The following CBLN2 variants were observed in gnomAD, a reference collection of about 807,000 sequenced individuals.
CBLN2 encodes the protein cerebellin-2.
Under a neutral mutation model 15.0 loss-of-function variants are expected in CBLN2, and 7 were observed. The observed-to-expected ratio is 0.47, with a 90% CI of 0.27 to 0.88. The LOEUF (loss-of-function observed/expected upper bound fraction) is 0.88. Among genes scored for constraint, CBLN2 ranks in the 40% least tolerant of loss-of-function variants. CBLN2 has a pLI of 0.14. For missense variants in CBLN2, 242 were observed against 304.5 expected (o/e 0.79, Z 1.53); for synonymous variants, 149 against 135.2 (o/e 1.10, Z -0.71).
upstream of CBLN2, chr18:72,544,686 T>C (rs2144873222): frequency 6.6e-6 from 1 of 152,238 alleles, no homozygotes; most frequent in South Asian, 2.1e-4. Context: ...CTTCCCGGTA[T>C]CCTTCAGTAC....
At chr18:72,587,661 A>G (rs1016702583) in intron 1 of CBLN2, among the ~76,000 whole-genome samples, 1 of 152,188 alleles carries the variant, frequency 6.6e-6, no homozygotes, top group African/African-American at 2.4e-5. Context: ...TGATCATTAC[A>G]TTTGAATAAT....
Position 72,541,797 on chromosome 18 carries a change from G to T in CBLN2, c.357+7C>A, listed in dbSNP as rs765376241. On this transcript the variant is annotated splice_region_variant and intron_variant, in intron 3 of 4. Coordinates refer to ENST00000269503, the MANE Select transcript of CBLN2 (RefSeq NM_182511.4). ...CTGGGGGCGGGGTGGGCAGGCCGAC[G>T]GCTGACCTGGTCGAAATAGATGGTC... The T allele has an allele frequency of 6.5e-7, 1 of 1,532,404 alleles. No homozygotes were observed. Among genetic ancestry groups the T allele is most frequent in the Non-Finnish European group, 8.8e-7 (1 of 1,139,728 alleles). The allele number at this position is 1,532,404 out of a possible 1,614,324, so 94.9% of individuals were successfully genotyped here.
At chr18:72,555,005 C>T (rs2069215748) in intron 1 of CBLN2, among the ~76,000 whole-genome samples, 1 of 151,914 alleles carries the variant, frequency 6.6e-6, no homozygotes, top group African/African-American at 2.4e-5. Context: ...CATGGTGGCA[C>T]GTGCCTGTAA....
At chr18:72,548,252 C>T (rs1306902330), upstream of CBLN2, among the ~76,000 whole-genome samples, 1 of 152,220 alleles carries the variant, frequency 6.6e-6, no homozygotes, top group East Asian at 1.9e-4. Flanking sequence ...AACCAGATTA[C>T]AGATGTGACT....
rs546300730 is a variant in CBLN2 at position 72,619,242 on chromosome 18, G to A, written c.15+19083C>T. ...ATTTTAATTACAGTCAGGAAACAAAGCTTAGCAGGAGAGGAGAGCCAGAGA... is the reference window on the plus strand; with the variant it reads ...ATTTTAATTACAGTCAGGAAACAAAACTTAGCAGGAGAGGAGAGCCAGAGA... On this transcript the variant is annotated intron_variant, in intron 1 of 2. Coordinates refer to the CBLN2 transcript ENST00000581073. 4.5e-5 allele frequency: 42 copies of A among 927,476 alleles called. 1 individual carries two copies. The South Asian group carries it at 5.4e-4, about 12-fold the overall frequency. 57.5% of individuals were successfully genotyped at this position (927,476 alleles called of 1,614,324 possible).
rs2069135109 is a variant in CBLN2, at chr18:72,543,610, T to A, written c.-211-80A>T. 5.1e-6 allele frequency: 2 copies of A among 389,766 alleles called. No individual in the cohort carries two copies. The highest frequency in any genetic ancestry group is 9.1e-6 in the Non-Finnish European group (2 of 220,778). The allele number at this position is 389,766 out of a possible 1,614,324, so 24.1% of individuals were successfully genotyped here. On this transcript the variant is annotated intron_variant, in intron 1 of 4. Transcript: ENST00000269503. This position sits in a 1 kb window ranked among gnomAD's most constrained non-coding sequence, Gnocchi z 6.8. ...GACCCTGCTCCCAGCGCGTGGCCAA[T>A]AACCGCGCCGCCCCGCCCTGCCGCT...
At chr18:72,580,122 T>C (rs755168584) in intron 1 of CBLN2, among the ~76,000 whole-genome samples, 2 of 151,420 alleles carry the variant, frequency 1.3e-5, no homozygotes, top group African/African-American at 2.4e-5. Flanking sequence ...CAAGAAAAAA[T>C]AGTAGGAAAA....
intron 1 of CBLN2, among the ~76,000 whole-genome samples, chr18:72,567,910 C>A (rs1398148517): frequency 6.6e-6 from 1 of 152,144 alleles, no homozygotes; most frequent in Non-Finnish European, 1.5e-5. Context: ...TAAAATCACA[C>A]AAGAAGCAAT....
chr18:72,545,469 G>A (rs1240016448), upstream of CBLN2, among the ~76,000 whole-genome samples: 2 of 152,184 alleles, frequency 1.3e-5, no homozygotes, highest in Non-Finnish European at 2.9e-5. Context: ...TTTGTACCAT[G>A]CTGGAGATAG....
chr18:72,606,598 G>A (rs189979745), intron 1 of CBLN2, among the ~76,000 whole-genome samples: 6 of 152,234 alleles, frequency 3.9e-5, no homozygotes, highest in African/African-American at 1.2e-4. Context: ...AAAATCAAAG[G>A]GCAAAATATC....
intron 1 of CBLN2, among the ~76,000 whole-genome samples, chr18:72,568,575 AAAAATAAAAATAAACTAAAAAAATAAAAT>A (rs2069311501): frequency 6.6e-6 from 1 of 152,038 alleles, no homozygotes; most frequent in Non-Finnish European, 1.5e-5. Context: ...AACTAAAATA[AAAAATAAAAATAAACTAAAAAAATAAAAT>A]ATTAAAAACA....
At chr18:72,634,821 C>G (rs768267902) in intron 1 of CBLN2, among the ~76,000 whole-genome samples, 6 of 152,134 alleles carry the variant, frequency 3.9e-5, no homozygotes, top group Non-Finnish European at 8.8e-5. Flanking sequence ...CAGATAAACA[C>G]TCTTCTTTAA....
At chr18:72,584,064 G>A (rs567414214) in intron 1 of CBLN2, among the ~76,000 whole-genome samples, 2 of 152,256 alleles carry the variant, frequency 1.3e-5, no homozygotes, top group South Asian at 2.1e-4. Flanking sequence ...TTTTCTCCAG[G>A]ACCTCTAGTT....
At chr18:72,631,574 A>G (rs2069776979) in intron 1 of CBLN2, among the ~76,000 whole-genome samples, 1 of 152,158 alleles carries the variant, frequency 6.6e-6, no homozygotes, top group African/African-American at 2.4e-5. Context: ...CCCACACATC[A>G]GTATTTCTAA....
intron 1 of CBLN2, among the ~76,000 whole-genome samples, chr18:72,628,357 G>A (rs2069753770): frequency 6.6e-6 from 1 of 152,192 alleles, no homozygotes; most frequent in Non-Finnish European, 1.5e-5. Context: ...ATTAAGGAGG[G>A]CTCTTGGGAT....
chr18:72,610,628 T>C (rs1462244574), intron 1 of CBLN2, among the ~76,000 whole-genome samples: 2 of 152,176 alleles, frequency 1.3e-5, no homozygotes, highest in Non-Finnish European at 2.9e-5. Context: ...ATGTTACTCC[T>C]CTGAAGCAAT....
chr18:72,585,251 A>G (rs1162048724), intron 1 of CBLN2, among the ~76,000 whole-genome samples: 2 of 152,182 alleles, frequency 1.3e-5, no homozygotes, highest in Non-Finnish European at 2.9e-5. Flanking sequence ...GACATGTTTC[A>G]GACCCATTTG....
chr18:72,541,745 G>GC, intron 3 of CBLN2, 59 bp downstream of exon 3: 2 of 1,390,778 alleles, frequency 1.4e-6, no homozygotes, highest in Non-Finnish European at 9.6e-7. Context: ...CAGCCCGCGC[G>GC]CGCAGGTCCC....
In CBLN2 at chr18:72,630,495, A is replaced by AACACACAC. The variant is rs3030024; in HGVS notation, c.15+7822_15+7829dup. The stretch of plus-strand genomic sequence containing the variant: ...TTACATTGGTGATATCTACTGCTCC[A>AACACACAC]ACACACACACACACACACACACACA... On this transcript the variant is annotated intron_variant, in intron 1 of 2. Coordinates refer to the CBLN2 transcript ENST00000581073. 3.8e-3 allele frequency among the ~76,000 whole-genome samples: 538 copies of AACACACAC among 140,468 alleles called. 2 individuals carry two copies. In the East Asian group the frequency reaches 0.057, roughly 15 times the overall value. The allele number at this position is 140,468 out of a possible 152,430, so 92.2% of individuals were successfully genotyped here. A position where few individuals can be genotyped will look rare whatever the true frequency, so the allele number is the denominator to read the frequency against.
Sources: allele counts gnomAD v4.1 joint callset (sites outside exome capture counted in the v4.1 genomes callset), GRCh38; gene constraint gnomAD v4.1.1; non-coding constraint Gnocchi (gnomAD v3.1); transcripts MANE v1.5; gene names NCBI Gene and HGNC (gene_info 2026-07-23, HGNC 2026-07-21).